Variants in KIRREL1 observed in about 807,000 individuals in gnomAD.
The protein encoded by KIRREL1 is kin of IRRE-like protein 1.
In KIRREL1, 25 loss-of-function variants were observed where a neutral mutation model predicts 83.3. The observed-to-expected ratio is 0.30, with a 90% confidence interval of 0.22 to 0.42. The LOEUF is 0.42. Among genes scored for constraint, KIRREL1 ranks in the 10% least tolerant of loss-of-function variants. The pLI, the probability that KIRREL1 is intolerant of heterozygous loss-of-function variation, is 1.00. For missense variants in KIRREL1, 812 were observed against 1,032.3 expected (o/e 0.79, Z 2.92); for synonymous variants, 388 against 410.4 (o/e 0.95, Z 0.66).
At chr1:158,069,418 G>A (rs1440505500) in intron 1 of KIRREL1, among the ~76,000 whole-genome samples, 1 of 151,464 alleles carries the variant, frequency 6.6e-6, no homozygotes, top group Admixed American at 6.6e-5. Flanking sequence ...AATGGGATTC[G>A]ACCTTGTTGT....
chr1:158,084,667 A>G (rs1324799963), intron 4 of KIRREL1, 88 bp downstream of exon 4: 3 of 1,395,706 alleles, frequency 2.1e-6, no homozygotes, highest in Non-Finnish European at 2.9e-6. Flanking sequence ...CAGACTCAGG[A>G]GCACACAGAC....
intron 8 of KIRREL1, 103 bp downstream of exon 8, chr1:158,088,557 T>G (rs1662093306): frequency 3.0e-6 from 3 of 1,009,218 alleles, no homozygotes; most frequent in Non-Finnish European, 4.0e-6. Context: ...CGATCTCGGC[T>G]CACTGCAAGC....
At chr1:158,069,810 TA>T (rs1661461551) in intron 1 of KIRREL1, among the ~76,000 whole-genome samples, 1 of 152,232 alleles carries the variant, frequency 6.6e-6, no homozygotes, top group South Asian at 2.1e-4. Context: ...TAGCTTTTTT[TA>T]TTAAGGATAG....
At chr1:158,024,768 G>A (rs952858890) in intron 1 of KIRREL1, among the ~76,000 whole-genome samples, 7 of 152,102 alleles carry the variant, frequency 4.6e-5, no homozygotes, top group Admixed American at 4.6e-4. Flanking sequence ...TCCCTTCCCC[G>A]ACCCAGTTCC....
chr1:158,088,370 C>T lies in KIRREL1; in HGVS notation c.960C>T (p.Asp320=), dbSNP rs1662082654. The T allele has an allele frequency of 1.2e-6, 2 of 1,613,626 alleles. No homozygotes were observed. Among genetic ancestry groups the T allele is most frequent in the Non-Finnish European group, 1.7e-6 (2 of 1,179,830 alleles). The change falls in exon 8 of 15, where the codon GAC becomes GAT. Residue 320 remains aspartate (D), a synonymous_variant. Transcript: ENST00000359209. Reference sequence around the variant, plus strand: ...TTGACCCCAAACCCACAACCACAGACATTGGCTCTGATGTGACCCTTACCT... The same window carrying T: ...TTGACCCCAAACCCACAACCACAGATATTGGCTCTGATGTGACCCTTACCT... The part of the protein sequence containing the change: ...IVVDPKPTTT[D]IGSDVTLTCV...
intron 1 of KIRREL1, among the ~76,000 whole-genome samples, chr1:158,075,617 C>G (rs7367177): frequency 0.17 from 25,444 of 152,212 alleles, 2,256 homozygotes; most frequent in Middle Eastern, 0.26. Flanking sequence ...AGTGTTGGTT[C>G]ACATTGACTC....
At chr1:158,086,185 A>C (rs1176494084) in intron 4 of KIRREL1, among the ~76,000 whole-genome samples, 1 of 152,044 alleles carries the variant, frequency 6.6e-6, no homozygotes, top group East Asian at 1.9e-4. Flanking sequence ...AAGGTCGGGG[A>C]GGAGGGTATA....
rs1340912743 is a variant in KIRREL1 at position 158,097,212 on chromosome 1, G to C, written c.*2092G>C. On this transcript the variant is annotated 3_prime_UTR_variant, in exon 15 of 15. Coordinates refer to ENST00000359209, the MANE Select transcript of KIRREL1 (RefSeq NM_018240.7). The stretch of plus-strand genomic sequence containing the variant: ...TGGGAAGGTCTGTCAAGAAATTCAG[G>C]TTCTTGTACAGACAAATTCATGCAA... 5 of 355,262 alleles carry C rather than the reference G, an allele frequency of 1.4e-5. No individual in the cohort carries two copies. Among genetic ancestry groups the C allele is most frequent in the Non-Finnish European group, 2.7e-5 (5 of 181,944 alleles). The allele number at this position is 355,262 out of a possible 1,614,324, so 22.0% of individuals were successfully genotyped here. A position where few individuals can be genotyped will look rare whatever the true frequency, so the allele number is the denominator to read the frequency against.
chr1:158,020,600 C>CAA (rs370156588), intron 1 of KIRREL1, among the ~76,000 whole-genome samples: 1,629 of 83,562 alleles, frequency 0.019, 133 homozygotes, highest in Admixed American at 0.027. Context: ...TACAGTAAAT[C>CAA]AAAAAAAAAA....
intron 1 of KIRREL1, among the ~76,000 whole-genome samples, chr1:158,028,991 G>C (rs1455093218): frequency 6.6e-6 from 1 of 152,256 alleles, no homozygotes; most frequent in East Asian, 1.9e-4. Flanking sequence ...GTGGTCATCT[G>C]TTCAAACCTT....
At chr1:158,012,700 G>T (rs1266976858) in intron 1 of KIRREL1, among the ~76,000 whole-genome samples, 1 of 152,344 alleles carries the variant, frequency 6.6e-6, no homozygotes, top group Middle Eastern at 3.4e-3. Context: ...CTCACTGGGA[G>T]TTGTGAATAT....
Position 158,095,236 on chromosome 1 carries a change from C to T in KIRREL1, c.*116C>T. On this transcript the variant is annotated 3_prime_UTR_variant, in exon 15 of 15. Transcript: ENST00000359209. ...CCTTCTCGGACCAGCCTTCTTCCTC[C>T]CACCATGGCAGGTGGGGAGCAGGTC... The T allele has an allele frequency of 1.3e-6, 1 of 778,916 alleles. No homozygotes were observed. The highest frequency in any genetic ancestry group is 2.0e-6 in the Non-Finnish European group (1 of 498,682). 48.3% of individuals were successfully genotyped at this position (778,916 alleles called of 1,614,324 possible).
At chr1:158,089,023 C>T (rs912600679) in intron 8 of KIRREL1, among the ~76,000 whole-genome samples, 13 of 151,634 alleles carry the variant, frequency 8.6e-5, no homozygotes, top group South Asian at 6.3e-4. Flanking sequence ...GGGCCTGGGG[C>T]GGGCCTACTG....
intron 10 of KIRREL1, among the ~76,000 whole-genome samples, chr1:158,090,084 G>A (rs1662149956): frequency 6.6e-6 from 1 of 152,084 alleles, no homozygotes; most frequent in Admixed American, 6.5e-5. Context: ...CTACCTAATA[G>A]GGTTGCTGTG....
chr1:158,006,590 GTCC>G (rs1478515109), intron 1 of KIRREL1, among the ~76,000 whole-genome samples: 1 of 152,234 alleles, frequency 6.6e-6, no homozygotes, highest in African/African-American at 2.4e-5. Context: ...CACCAAGGCT[GTCC>G]TCCTACAGTA....
At chr1:158,077,951 C>G (rs1661731982) in intron 2 of KIRREL1, 40 bp from the exon 3 acceptor site, 1 of 1,609,802 alleles carries the variant, frequency 6.2e-7, no homozygotes, top group East Asian at 2.2e-5. Flanking sequence ...AGGATGTGTC[C>G]TTGTTTCAAG....
intron 1 of KIRREL1, 132 bp downstream of exon 1, chr1:157,993,860 G>T: frequency 2.0e-6 from 1 of 506,726 alleles, no homozygotes; most frequent in Non-Finnish European, 3.4e-6. Context: ...ACGAGGCGGG[G>T]GCTCGGTCCG....
intron 1 of KIRREL1, among the ~76,000 whole-genome samples, chr1:158,036,594 T>TA (rs1375992946): frequency 4.6e-5 from 7 of 152,030 alleles, no homozygotes. Context: ...GAGGATGGTG[T>TA]AAGTTCTCTC....
At chr1:158,007,442 G>A (rs1311392536) in intron 1 of KIRREL1, among the ~76,000 whole-genome samples, 1 of 152,122 alleles carries the variant, frequency 6.6e-6, no homozygotes, top group Non-Finnish European at 1.5e-5. Context: ...CGCCCAGTGA[G>A]GGCTATGTGG....
Sources: allele counts gnomAD v4.1 joint callset (sites outside exome capture counted in the v4.1 genomes callset), GRCh38; gene constraint gnomAD v4.1.1; transcripts MANE v1.5; gene names NCBI Gene and HGNC (gene_info 2026-07-23, HGNC 2026-07-21).